MYO16: variants seen among roughly 807,000 people sequenced by gnomAD.
MYO16 encodes unconventional myosin-XVI.
Under a neutral mutation model 205.3 loss-of-function variants are expected in MYO16, and 94 were observed. The observed-to-expected ratio is 0.46, with a 90% CI of 0.39 to 0.54. MYO16 has a LOEUF of 0.54. Ranked by LOEUF, MYO16 falls within the 20% of genes least tolerant of loss-of-function variation. MYO16 has a pLI of 0.00. For missense variants in MYO16, 2,315 were observed against 2,387.5 expected (o/e 0.97, Z 0.63); for synonymous variants, 988 against 954.0 (o/e 1.04, Z -0.66).
intron 23 of MYO16, among the ~76,000 whole-genome samples, chr13:109,033,680 T>A (rs1390672683): frequency 6.6e-6 from 1 of 152,182 alleles, no homozygotes; most frequent in African/African-American, 2.4e-5. Flanking sequence ...AGACAAGGGA[T>A]GCTGAAGTGA....
At chr13:109,032,048 T>G (rs1006055552) in intron 23 of MYO16, among the ~76,000 whole-genome samples, 4 of 152,150 alleles carry the variant, frequency 2.6e-5, no homozygotes, top group African/African-American at 9.7e-5. Context: ...GCTTCACGTG[T>G]GCAAAGCTAA....
chr13:108,955,999 A>G (rs1232422427), intron 16 of MYO16, among the ~76,000 whole-genome samples: 1 of 152,106 alleles, frequency 6.6e-6, no homozygotes, highest in African/African-American at 2.4e-5. Flanking sequence ...ACCCACTCCC[A>G]TGGTTTTAGC....
At chr13:108,663,172 G>T (rs2139427609) in intron 1 of MYO16, among the ~76,000 whole-genome samples, 1 of 152,230 alleles carries the variant, frequency 6.6e-6, no homozygotes, top group Middle Eastern at 3.4e-3. Flanking sequence ...GGGATTGCTG[G>T]TTTCTTCTTG....
In MYO16 at chr13:109,076,677, G is replaced by C. The variant is rs1324123244; in HGVS notation, c.3335+21082G>C. Among the ~76,000 whole-genome samples, 4 of 152,252 alleles carry C rather than the reference G, an allele frequency of 2.6e-5. No individual in the cohort carries two copies. In the South Asian group the frequency reaches 8.3e-4, roughly 32 times the overall value. On this transcript the variant is annotated intron_variant, in intron 27 of 34. Transcript: ENST00000457511. ...AGAGTAGAACCTTCCTCTTCCATCA[G>C]CAGGGAAATGGTCCTAAGAGAGTGG...
At chr13:108,939,675 A>G (rs370008436) in intron 16 of MYO16, among the ~76,000 whole-genome samples, 4 of 152,222 alleles carry the variant, frequency 2.6e-5, no homozygotes, top group East Asian at 1.9e-4. Flanking sequence ...ATTTGAGAAT[A>G]TTATTGGAGA....
chr13:108,780,324 A>G (rs1448508061), intron 4 of MYO16, among the ~76,000 whole-genome samples: 1 of 151,066 alleles, frequency 6.6e-6, no homozygotes, highest in East Asian at 2.0e-4. Context: ...ATGAGCTCTC[A>G]GGTATGTTAG....
intron 19 of MYO16, 73 bp downstream of exon 19, chr13:108,962,568 T>C (rs2139369340): frequency 9.3e-7 from 1 of 1,077,108 alleles, no homozygotes; most frequent in African/African-American, 1.6e-5. Context: ...GTTTGACTTG[T>C]CCCCACTTAG....
Position 109,140,637 on chromosome 13 carries a change from C to T in MYO16, c.4425C>T (p.His1475=), listed in dbSNP as rs574047767. The change falls in exon 32 of 35, where the codon CAC becomes CAT. Residue 1475 remains histidine (H), a synonymous_variant. Transcript: ENST00000457511. This position sits in a 1 kb window ranked among gnomAD's most constrained non-coding sequence, Gnocchi z 8.0. ...GGPGAGSFLL[H]GASPPLLHRA... ...CGGGCGCGGGCTCCTTCCTGCTCCA[C>T]GGCGCATCGCCGCCCCTGCTCCACC... 46 of 1,514,548 alleles carry T rather than the reference C, an allele frequency of 3.0e-5. 1 individual carries two copies. The South Asian group carries it at 4.7e-4, about 15-fold the overall frequency. 93.8% of individuals were successfully genotyped at this position (1,514,548 alleles called of 1,614,324 possible).
chr13:108,815,812 G>A (rs187247746), intron 7 of MYO16, among the ~76,000 whole-genome samples: 3 of 152,230 alleles, frequency 2.0e-5, no homozygotes, highest in Admixed American at 1.3e-4. Context: ...GGAATGCAAA[G>A]TACCTATAAT....
At chr13:109,096,086 C>T (rs1888768390) in intron 27 of MYO16, among the ~76,000 whole-genome samples, 1 of 152,170 alleles carries the variant, frequency 6.6e-6, no homozygotes, top group South Asian at 2.1e-4. Flanking sequence ...GTCAGCTTCC[C>T]AGAGCTGCTG....
intron 23 of MYO16, among the ~76,000 whole-genome samples, chr13:109,022,706 TATATATACGC>T (rs1886117246): frequency 1.8e-5 from 2 of 113,878 alleles, no homozygotes; most frequent in African/African-American, 6.2e-5. Context: ...ATTTATATAT[TATATATACGC>T]ATATAAACAT....
intron 28 of MYO16, among the ~76,000 whole-genome samples, chr13:109,112,127 C>A (rs1408393519): frequency 6.6e-6 from 1 of 152,126 alleles, no homozygotes; most frequent in Non-Finnish European, 1.5e-5. Flanking sequence ...TTTTCTGCTT[C>A]AGGAGAGTAT....
chr13:108,604,036 C>T lies in MYO16; in HGVS notation c.-39+7797C>T, dbSNP rs561014849. 5.3e-5 allele frequency among the ~76,000 whole-genome samples: 8 copies of T among 152,198 alleles called. No homozygotes were observed. The South Asian group carries it at 1.0e-3, about 20-fold the overall frequency. On this transcript the variant is annotated intron_variant, in intron 1 of 24. Coordinates refer to the MYO16 transcript ENST00000251041. ...TGGCATAAGGGGAAGCAAATATGTC[C>T]TTCTTCACAAGGCGGCAGGTGAGAG...
intron 10 of MYO16, 76 bp downstream of exon 10, chr13:108,844,569 A>G: frequency 7.1e-7 from 1 of 1,408,746 alleles, no homozygotes; most frequent in Non-Finnish European, 9.5e-7. Context: ...AACATATTTC[A>G]AAAACAAATG....
intron 9 of MYO16, among the ~76,000 whole-genome samples, chr13:108,830,310 C>T (rs1210817906): frequency 3.3e-5 from 4 of 121,856 alleles, no homozygotes; most frequent in East Asian, 2.0e-4. Context: ...CACATGCACA[C>T]GTATGTTTAT....
intron 30 of MYO16, among the ~76,000 whole-genome samples, chr13:109,126,491 GT>G (rs1310043507): frequency 2.0e-5 from 3 of 152,058 alleles, no homozygotes; most frequent in Admixed American, 1.3e-4. Flanking sequence ...GCCAGAAGAA[GT>G]TTTTTTAAGC....
intron 6 of MYO16, among the ~76,000 whole-genome samples, chr13:108,805,682 G>T (rs991554652): frequency 6.6e-5 from 10 of 151,782 alleles, no homozygotes; most frequent in African/African-American, 1.5e-4. Context: ...TGCTACCTTA[G>T]AAACAGGAAT....
At chr13:109,020,298 T>C (rs1457121271) in intron 23 of MYO16, among the ~76,000 whole-genome samples, 3 of 152,168 alleles carry the variant, frequency 2.0e-5, no homozygotes, top group African/African-American at 4.8e-5. Flanking sequence ...TTAAAGCATG[T>C]CAACTTAAGG....
chr13:109,123,039 A>G (rs1361286507), intron 29 of MYO16, among the ~76,000 whole-genome samples: 1 of 152,190 alleles, frequency 6.6e-6, no homozygotes, highest in African/African-American at 2.4e-5. Flanking sequence ...CTCTGACTCT[A>G]TATGCTCATT....
Sources: allele counts gnomAD v4.1 joint callset (sites outside exome capture counted in the v4.1 genomes callset), GRCh38; gene constraint gnomAD v4.1.1; non-coding constraint Gnocchi (gnomAD v3.1); transcripts MANE v1.5; gene names NCBI Gene and HGNC (gene_info 2026-07-23, HGNC 2026-07-21).